AHNAK: variants seen among roughly 807,000 people sequenced by gnomAD.
The protein encoded by AHNAK is AHNAK nucleoprotein.
A neutral mutation model predicts 37.8 loss-of-function variants in AHNAK; 23 were observed. That is an observed-to-expected ratio of 0.61 (90% confidence interval 0.44 to 0.86). The LOEUF is 0.86. Among genes scored for constraint, AHNAK ranks in the 40% least tolerant of loss-of-function variants. AHNAK has a pLI of 0.00. For missense variants in AHNAK, 7,411 were observed against 7,319.4 expected (o/e 1.01, Z -0.46); for synonymous variants, 2,481 against 2,636.3 (o/e 0.94, Z 1.80).
chr11:62,446,162 G>A (rs1360239078), intron 5 of AHNAK, among the ~76,000 whole-genome samples: 2 of 152,100 alleles, frequency 1.3e-5, no homozygotes, highest in East Asian at 3.9e-4. Flanking sequence ...CTATGGGCAG[G>A]GAAGGGAGAA....
Position 62,529,140 on chromosome 11 carries a change from T to C in AHNAK, c.5277A>G (p.Gly1759=). 1.2e-6 allele frequency: 2 copies of C among 1,614,004 alleles called. No homozygotes were observed. Among genetic ancestry groups the C allele is most frequent in the Non-Finnish European group, 1.7e-6 (2 of 1,179,978 alleles). The change falls in exon 5 of 5, where the codon GGA becomes GGG. Residue 1759 remains glycine (G), a synonymous_variant. Transcript: ENST00000378024. ...TGGAGCCTTTCAACTTTCCTTCTGG[T>C]CCCTCAATATCCAAATCAGGAGCAT... ...DTDAPDLDIE[G]PEGKLKGSKF...
At chr11:62,490,339 T>C (rs894135064) in intron 5 of AHNAK, among the ~76,000 whole-genome samples, 3 of 151,640 alleles carry the variant, frequency 2.0e-5, no homozygotes, top group Non-Finnish European at 2.9e-5. Flanking sequence ...GTAGCTGGGA[T>C]TACAGGCGTG....
chr11:62,481,731 C>A (rs1198355867), intron 5 of AHNAK, among the ~76,000 whole-genome samples: 1 of 151,684 alleles, frequency 6.6e-6, no homozygotes, highest in East Asian at 2.0e-4. Flanking sequence ...GTGCCCACCA[C>A]CATGCCTGGC....
Position 62,519,125 on chromosome 11 carries a change from T to C in AHNAK, c.15292A>G (p.Lys5098Glu). The change falls in exon 5 of 5, where the codon AAA becomes GAA. Residue 5098 changes from lysine to glutamate, a missense_variant. By Grantham distance (56) the Lys-to-Glu change is moderately conservative. Coordinates refer to ENST00000378024, the MANE Select transcript of AHNAK (RefSeq NM_001620.3). Reference protein sequence around the residue: ...MYFPDVEFDIKSPKFKAEAPL... With the variant: ...MYFPDVEFDIESPKFKAEAPL... ...GCCTCAGCTTTAAATTTAGGTGATT[T>C]AATGTCAAACTCTACATCTGGGAAG... 4 of 1,613,844 alleles carry C rather than the reference T, an allele frequency of 2.5e-6. No homozygotes were observed. In the South Asian group the frequency reaches 4.4e-5, roughly 18 times the overall value.
chr11:62,471,767 G>A (rs1383858925), intron 5 of AHNAK, among the ~76,000 whole-genome samples: 1 of 152,184 alleles, frequency 6.6e-6, no homozygotes, highest in East Asian at 1.9e-4. Flanking sequence ...GCCTGGGTGT[G>A]GGAGACTGGC....
chr11:62,435,664 C>T (rs1938152116), intron 5 of AHNAK, among the ~76,000 whole-genome samples: 1 of 152,142 alleles, frequency 6.6e-6, no homozygotes, highest in East Asian at 1.9e-4. Context: ...CCGCCCACCT[C>T]GGCCTCCCAA....
intron 5 of AHNAK, among the ~76,000 whole-genome samples, chr11:62,485,701 CAAAAAA>C (rs1286819688): frequency 1.9e-5 from 1 of 51,946 alleles, no homozygotes; most frequent in Non-Finnish European, 4.3e-5. Flanking sequence ...GACTCCATCT[CAAAAAA>C]AAAAAAAAAA....
At chr11:62,536,220 G>A in intron 2 of AHNAK, 122 bp from the exon 3 acceptor site, 5 of 1,062,522 alleles carry the variant, frequency 4.7e-6, no homozygotes, top group Non-Finnish European at 6.5e-6. Flanking sequence ...CAATGCACCT[G>A]CCCCTGCAGC....
At chr11:62,463,309 C>T (rs1938832276) in intron 5 of AHNAK, among the ~76,000 whole-genome samples, 1 of 152,068 alleles carries the variant, frequency 6.6e-6, no homozygotes, top group Non-Finnish European at 1.5e-5. Context: ...AGAGAGTACA[C>T]ACCCCACACT....
chr11:62,531,401 A>G lies in AHNAK; in HGVS notation c.3016T>C (p.Phe1006Leu). The G allele has an allele frequency of 1.2e-6, 2 of 1,614,144 alleles. No homozygotes were observed. Among genetic ancestry groups the G allele is most frequent in the Non-Finnish European group, 1.7e-6 (2 of 1,180,024 alleles). The part of the protein sequence containing the change: ...LKMPKIKMPK[F>L]SMPSLKGEGP... ...TCTCCTTTGAGGCTGGGCATGCTAA[A>G]TTTGGGCATTTTAATCTTTGGCATC... The change falls in exon 5 of 5, where the codon TTT becomes CTT. Residue 1006 changes from phenylalanine (F) to leucine (L), a missense_variant. Transcript: ENST00000378024.
Position 62,517,285 on chromosome 11 carries a change from T to A in AHNAK, c.17132A>T (p.Lys5711Met). 6.2e-7 allele frequency: 1 copy of A among 1,614,152 alleles called. No individual in the cohort carries two copies. The highest frequency in any genetic ancestry group is 1.1e-5 in the South Asian group (1 of 91,082). The change falls in exon 5 of 5, where the codon AAG (lysine) becomes ATG (methionine). Residue 5711 changes from lysine (K) to methionine (M), a missense_variant. Lys to Met is a moderately conservative substitution (Grantham distance 95). Transcript: ENST00000378024. ...EESEVKLKKSKIKMPKFNFSK... is the reference protein window; with the variant it reads ...EESEVKLKKSMIKMPKFNFSK... ...AAAATTAAACTTGGGCATTTTGATC[T>A]TGGACTTTTTCAGTTTGACTTCAGA...
In AHNAK at chr11:62,516,732, T is replaced by TA; in HGVS notation, c.*11dup. On this transcript the variant is annotated 3_prime_UTR_variant, in exon 5 of 5. Transcript: ENST00000378024. Reference sequence around the variant, plus strand: ...TTATATATATATATATGTACACACATACAAAGGCCTGCTACTCTTTCTTTG... The same window carrying TA: ...TTATATATATATATATGTACACACATAACAAAGGCCTGCTACTCTTTCTTTG... The TA allele has an allele frequency of 6.3e-7, 1 of 1,596,938 alleles. No homozygotes were observed. Among genetic ancestry groups the TA allele is most frequent in the Non-Finnish European group, 8.5e-7 (1 of 1,172,892 alleles).
At chr11:62,442,608 C>T (rs548087069) in intron 5 of AHNAK, among the ~76,000 whole-genome samples, 2 of 151,982 alleles carry the variant, frequency 1.3e-5, no homozygotes, top group South Asian at 2.1e-4. Context: ...CAGTGGCTCA[C>T]GCGTGTAATC....
chr11:62,518,966 A>T lies in AHNAK; in HGVS notation c.15451T>A (p.Ser5151Thr). 1 of 1,614,128 alleles carries T rather than the reference A, an allele frequency of 6.2e-7. No individual in the cohort carries two copies. Among genetic ancestry groups the T allele is most frequent in the African/African-American group, 1.3e-5 (1 of 75,028 alleles). Reference protein sequence around the residue: ...PKVKMPDVDISVPKIEGDLKG... With the variant: ...PKVKMPDVDITVPKIEGDLKG... ...AGGTCACCCTCTATTTTTGGCACTG[A>T]GATGTCCACATCTGGCATCTTGACC... Residue 5151 changes from serine to threonine, a missense_variant, in exon 5 of 5, where the codon TCA becomes ACA. By Grantham distance (58) the Ser-to-Thr change is moderately conservative. Coordinates refer to ENST00000378024, the MANE Select transcript of AHNAK (RefSeq NM_001620.3).
chr11:62,525,677 C>T lies in AHNAK; in HGVS notation c.8740G>A (p.Val2914Met). Residue 2914 changes from valine (V) to methionine (M), a missense_variant, in exon 5 of 5, where the codon GTG becomes ATG. Coordinates refer to ENST00000378024, the MANE Select transcript of AHNAK (RefSeq NM_001620.3). ...MPGFKAEGPE[V>M]DVNLPKADVD... ...TCAGCCTTGGGCAGGTTCACATCCA[C>T]TTCAGGGCCCTCTGCTTTGAAGCCA... The T allele has an allele frequency of 6.2e-7, 1 of 1,613,672 alleles. No individual in the cohort carries two copies. Among genetic ancestry groups the T allele is most frequent in the Non-Finnish European group, 8.5e-7 (1 of 1,179,962 alleles).
At chr11:62,481,526 G>A (rs1939273240) in intron 5 of AHNAK, among the ~76,000 whole-genome samples, 1 of 151,836 alleles carries the variant, frequency 6.6e-6, no homozygotes, top group African/African-American at 2.4e-5. Flanking sequence ...AACCTCCCTA[G>A]ACCTCAGCTT....
At chr11:62,544,169 CT>C (rs1941227793) in intron 1 of AHNAK, among the ~76,000 whole-genome samples, 1 of 152,152 alleles carries the variant, frequency 6.6e-6, no homozygotes, top group African/African-American at 2.4e-5. Context: ...GCACCGCCAC[CT>C]TTCCCCAGGA....
Position 62,532,694 on chromosome 11 carries a change from C to A in AHNAK, c.1723G>T (p.Asp575Tyr). 2.5e-6 allele frequency: 4 copies of A among 1,613,926 alleles called. No homozygotes were observed. The highest frequency in any genetic ancestry group is 3.4e-6 in the Non-Finnish European group (4 of 1,179,962). ...GTCRISMSEVDLNVAAPKVKG... is the reference protein window; with the variant it reads ...GTCRISMSEVYLNVAAPKVKG... ...ACTTTAGGTGCGGCCACATTTAAGT[C>A]TACTTCTGACATAGAGATCCTACAG... is the stretch of plus-strand genomic sequence containing the variant. Residue 575 changes from aspartate to tyrosine, a missense_variant, in exon 5 of 5, where the codon GAC (aspartate) becomes TAC (tyrosine). Asp to Tyr is a radical substitution (Grantham distance 160). Coordinates refer to ENST00000378024, the MANE Select transcript of AHNAK (RefSeq NM_001620.3).
chr11:62,531,108 G>C lies in AHNAK; in HGVS notation c.3309C>G (p.Ile1103Met), dbSNP rs868585244. ...CTTTAATATCTACCTTGGGACCTCTGATGTCCACATCTGGAACCTGCATTT... is the reference window on the plus strand; with the variant it reads ...CTTTAATATCTACCTTGGGACCTCTCATGTCCACATCTGGAACCTGCATTT... ...EGEMQVPDVD[I>M]RGPKVDIKAP... is the part of the protein sequence containing the mutation. The change falls in exon 5 of 5, where the codon ATC becomes ATG. Residue 1103 changes from isoleucine (I) to methionine (M), a missense_variant. Transcript: ENST00000378024. The C allele has an allele frequency of 6.2e-6, 10 of 1,614,072 alleles. No homozygotes were observed. The Middle Eastern group carries it at 1.5e-3, about 240-fold the overall frequency.
Sources: gnomAD v4.1 joint callset for allele counts (sites outside exome capture counted in the v4.1 genomes callset) on GRCh38, gnomAD v4.1.1 for gene constraint, MANE v1.5 for transcripts, NCBI Gene and HGNC (gene_info 2026-07-23, HGNC 2026-07-21) for gene names.